Variants in PDE4A observed in about 807,000 individuals in gnomAD.
PDE4A encodes the protein phosphodiesterase 4A.
In PDE4A, 21 loss-of-function variants were observed where a neutral mutation model predicts 73.9. That is an observed-to-expected ratio of 0.28 (90% CI 0.20 to 0.41). The LOEUF (loss-of-function observed/expected upper bound fraction) is 0.41, where lower values mean the gene tolerates loss of function less well. Among genes scored for constraint, PDE4A ranks in the 10% least tolerant of loss-of-function variants. The pLI, the probability that PDE4A is intolerant of heterozygous loss-of-function variation, is 1.00. For missense variants in PDE4A, 958 were observed against 1,211.4 expected (o/e 0.79, Z 3.10); for synonymous variants, 463 against 505.4 (o/e 0.92, Z 1.13).
At chr19:10,441,696 T>A (rs1266265488) in intron 1 of PDE4A, among the ~76,000 whole-genome samples, 2 of 144,246 alleles carry the variant, frequency 1.4e-5, no homozygotes, top group Non-Finnish European at 1.5e-5. Context: ...TTTTTTTTTT[T>A]TTTTTTTTTT....
intron 1 of PDE4A, among the ~76,000 whole-genome samples, chr19:10,437,346 A>T (rs539104843): frequency 2.6e-5 from 4 of 151,592 alleles, no homozygotes; most frequent in Non-Finnish European, 5.9e-5. Context: ...CTGGTCTCGA[A>T]CTCCTGATCT....
chr19:10,436,981 T>C (rs1448663127), intron 1 of PDE4A, among the ~76,000 whole-genome samples: 3 of 152,150 alleles, frequency 2.0e-5, no homozygotes, highest in African/African-American at 7.2e-5. Flanking sequence ...GAGGTTGCAG[T>C]GAGCTGAGAT....
intron 1 of PDE4A, among the ~76,000 whole-genome samples, chr19:10,437,914 C>G (rs2042886715): frequency 1.3e-5 from 2 of 151,452 alleles, no homozygotes; most frequent in Non-Finnish European, 2.9e-5. Context: ...AGGTGATCCT[C>G]CCACCTCAGC....
intron 1 of PDE4A, among the ~76,000 whole-genome samples, chr19:10,445,825 C>G (rs1380666520): frequency 6.7e-6 from 1 of 149,724 alleles, no homozygotes; most frequent in Non-Finnish European, 1.5e-5. Context: ...TTCCCTTAGG[C>G]TCCTCATCCC....
chr19:10,420,590 G>A lies in PDE4A; in HGVS notation c.-175G>A. 4.7e-6 allele frequency: 6 copies of A among 1,277,590 alleles called. No homozygotes were observed. Among genetic ancestry groups the A allele is most frequent in the Non-Finnish European group, 5.9e-6 (6 of 1,016,014 alleles). 79.1% of individuals were successfully genotyped at this position (1,277,590 alleles called of 1,614,324 possible). A position where few individuals can be genotyped will look rare whatever the true frequency, so the allele number is the denominator to read the frequency against. On this transcript the variant is annotated 5_prime_UTR_variant, in exon 1 of 15. Transcript: ENST00000380702. This position sits in a 1 kb window ranked among gnomAD's most constrained non-coding sequence, Gnocchi z 6.0. ...CCAGGCGCCGAAAGGAAGCTGCAGA[G>A]CCCGGCCCGGGGGCGATTGGCCCGC...
intron 1 of PDE4A, among the ~76,000 whole-genome samples, chr19:10,445,507 C>T (rs1275804874): frequency 6.6e-6 from 1 of 152,086 alleles, no homozygotes; most frequent in African/African-American, 2.4e-5. Context: ...GTGGCTCAGG[C>T]CTGTAATCCC....
At chr19:10,452,993 C>G (rs910633217) in intron 6 of PDE4A, 3 of 1,281,890 alleles carry the variant, frequency 2.3e-6, no homozygotes, top group Non-Finnish European at 3.0e-6. Context: ...CCCTGCCCCC[C>G]TCCCATGGGC....
chr19:10,419,213 G>A (rs2042616608), upstream of PDE4A: 1 of 125,202 alleles, frequency 8.0e-6, no homozygotes, highest in Admixed American at 8.6e-5. Flanking sequence ...TCGCGTTCGA[G>A]CTCTTATCGG....
chr19:10,449,106 T>C lies in PDE4A; in HGVS notation c.576T>C (p.Arg192=), dbSNP rs373327689. ...TGCTGGCCAGCCTCCGGAGCGTCCG[T>C]AGCAACTTCTCACTCCTGACCAATG... The part of the protein sequence containing the change: ...AQVLASLRSV[R]SNFSLLTNVP... Residue 192 remains arginine (R), a synonymous_variant, in exon 4 of 15, where the codon CGT becomes CGC. Coordinates refer to ENST00000380702, the MANE Select transcript of PDE4A (RefSeq NM_001111307.2). 8 of 1,613,614 alleles carry C rather than the reference T, an allele frequency of 5.0e-6. No homozygotes were observed. The highest frequency in any genetic ancestry group is 6.8e-6 in the Non-Finnish European group (8 of 1,179,826).
chr19:10,446,257 C>T lies in PDE4A; in HGVS notation c.360C>T (p.Arg120=). Residue 120 remains arginine, a synonymous_variant, in exon 2 of 15, where the codon CGC becomes CGT. Transcript: ENST00000380702. ...AENGPTPSPG[R]SPLDSQASPG... The stretch of plus-strand genomic sequence containing the variant: ...ATGGGCCGACACCATCTCCTGGCCG[C>T]AGCCCCCTGGACTCGCAGGCGAGCC... 6.3e-7 allele frequency: 1 copy of T among 1,596,598 alleles called. No homozygotes were observed. The highest frequency in any genetic ancestry group is 2.3e-5 in the East Asian group (1 of 43,650).
rs1020229941 is a variant in PDE4A, at chr19:10,432,559, G to A, written c.320+11475G>A. The A allele has an allele frequency of 1.4e-5, 21 of 1,524,096 alleles. No homozygotes were observed. The Admixed American group carries it at 4.0e-4, about 29-fold the overall frequency. 94.4% of individuals were successfully genotyped at this position (1,524,096 alleles called of 1,614,324 possible). On this transcript the variant is annotated intron_variant, in intron 1 of 14. Coordinates refer to ENST00000380702, the MANE Select transcript of PDE4A (RefSeq NM_001111307.2). ...GAGGACACCCGTCGGCACCCTCCGG[G>A]CAGATCTGTCAGGTGGGTGGCCCGT... is the stretch of plus-strand genomic sequence containing the variant.
intron 6 of PDE4A, 164 bp from the exon 7 acceptor site, chr19:10,454,665 A>C: frequency 1.2e-6 from 1 of 810,758 alleles, no homozygotes; most frequent in Non-Finnish European, 1.5e-6. Context: ...GGAGGACAGG[A>C]AAGGCTGACC....
At chr19:10,457,851 A>G in intron 7 of PDE4A, 28 bp from the exon 8 acceptor site, 1 of 1,611,502 alleles carries the variant, frequency 6.2e-7, no homozygotes, top group Non-Finnish European at 8.5e-7. Flanking sequence ...GGTTGTTCAC[A>G]CTTGTTCCTG....
In PDE4A at chr19:10,458,210, C is replaced by T. The variant is rs2043203279; in HGVS notation, c.1101+108C>T. Reference sequence around the variant, plus strand: ...TAGGCCAGGTTTCCCAGAAGCAGAGCTTGAGATGAGGGTTTGAGCCCATCT... The same window carrying T: ...TAGGCCAGGTTTCCCAGAAGCAGAGTTTGAGATGAGGGTTTGAGCCCATCT... On this transcript the variant is annotated intron_variant, in intron 8 of 14. Coordinates refer to ENST00000380702, the MANE Select transcript of PDE4A (RefSeq NM_001111307.2). The surrounding 1 kb of genome is among the most constrained non-coding windows in gnomAD (Gnocchi z 4.6). The T allele has an allele frequency of 9.6e-7, 1 of 1,043,184 alleles. No homozygotes were observed. Among genetic ancestry groups the T allele is most frequent in the Non-Finnish European group, 1.4e-6 (1 of 705,358 alleles). 64.6% of individuals were successfully genotyped at this position (1,043,184 alleles called of 1,614,324 possible).
upstream of PDE4A, chr19:10,417,310 T>A (rs2042597682): frequency 5.1e-6 from 5 of 984,772 alleles, no homozygotes; most frequent in Non-Finnish European, 6.0e-6. Context: ...GGCATTGACA[T>A]TAAGACCAAG....
intron 7 of PDE4A, 142 bp from the exon 8 acceptor site, chr19:10,457,737 G>A: frequency 6.9e-7 from 1 of 1,441,538 alleles, no homozygotes; most frequent in South Asian, 1.4e-5. Flanking sequence ...TCCTGACTCT[G>A]AGTAGCCAGC....
At chr19:10,464,659 G>C (rs1354405468) in intron 14 of PDE4A, among the ~76,000 whole-genome samples, 1 of 151,160 alleles carries the variant, frequency 6.6e-6, no homozygotes, top group Non-Finnish European at 1.5e-5. Flanking sequence ...CTCAAACCTT[G>C]GCCTCCCAAA....
rs200183982 is a variant in PDE4A at position 10,466,961 on chromosome 19, G to T, written c.2001G>T (p.Glu667Asp). Residue 667 changes from glutamate to aspartate, a missense_variant, in exon 15 of 15, where the codon GAG (glutamate) becomes GAT (aspartate). Physicochemically the swap from Glu to Asp is conservative, Grantham distance 45. Transcript: ENST00000380702. ...WADLVHPDAQ[E>D]ILDTLEDNRD... ...ACCTTGTCCACCCAGATGCCCAGGA[G>T]ATCTTGGACACTTTGGAGGACAACC... is the stretch of plus-strand genomic sequence containing the variant. The T allele has an allele frequency of 8.1e-5, 131 of 1,614,078 alleles. No individual in the cohort carries two copies. The highest frequency in any genetic ancestry group is 1.1e-4 in the Non-Finnish European group (125 of 1,180,046).
At chr19:10,465,199 G>A (rs1437810937) in intron 14 of PDE4A, among the ~76,000 whole-genome samples, 1 of 151,602 alleles carries the variant, frequency 6.6e-6, no homozygotes, top group Non-Finnish European at 1.5e-5. Context: ...CTACCCACTA[G>A]ATGCCAGAAG....
Sources: gnomAD v4.1 joint callset for allele counts (sites outside exome capture counted in the v4.1 genomes callset) on GRCh38, gnomAD v4.1.1 for gene constraint, Gnocchi (gnomAD v3.1) non-coding constraint, MANE v1.5 for transcripts, NCBI Gene and HGNC (gene_info 2026-07-23, HGNC 2026-07-21) for gene names.